LPCAT1: variants seen among roughly 807,000 people sequenced by gnomAD.
LPCAT1 encodes lysophosphatidylcholine acyltransferase 1.
In LPCAT1, 23 loss-of-function variants were observed where a neutral mutation model predicts 60.9. That is an observed-to-expected ratio of 0.38 (90% CI 0.27 to 0.53). The LOEUF (loss-of-function observed/expected upper bound fraction) is 0.53. Ranked by LOEUF, LPCAT1 falls within the 20% of genes least tolerant of loss-of-function variation. The probability of loss-of-function intolerance (pLI) is 0.82; values close to 1 mark genes in which losing one functional copy is unlikely to be tolerated. For missense variants in LPCAT1, 622 were observed against 723.6 expected (o/e 0.86, Z 1.61); for synonymous variants, 340 against 301.1 (o/e 1.13, Z -1.34).
intron 1 of LPCAT1, 118 bp from the exon 2 acceptor site, chr5:1,501,721 G>T (rs1302087919): frequency 2.0e-6 from 2 of 1,002,572 alleles, no homozygotes; most frequent in Non-Finnish European, 3.0e-6. Flanking sequence ...GCTGGGGAGG[G>T]GCTGCAGCTG....
intron 13 of LPCAT1, 35 bp downstream of exon 13, chr5:1,466,714 G>C (rs1205923705): frequency 1.9e-6 from 3 of 1,588,476 alleles, no homozygotes; most frequent in Non-Finnish European, 2.6e-6. Context: ...CCCCGCCCAA[G>C]GGTCGCGAGG....
intron 5 of LPCAT1, among the ~76,000 whole-genome samples, chr5:1,484,692 G>A (rs370074233): frequency 3.4e-4 from 52 of 152,350 alleles, no homozygotes; most frequent in African/African-American, 7.2e-4. Flanking sequence ...CCAGAGGCCC[G>A]TGTCAGGGCT....
Position 1,463,980 on chromosome 5 carries a change from G to A in LPCAT1, c.1421-145C>T, listed in dbSNP as rs1489225999. 4 of 837,922 alleles carry A rather than the reference G, an allele frequency of 4.8e-6. No homozygotes were observed. The Admixed American group carries it at 1.0e-4, about 21-fold the overall frequency. The allele number at this position is 837,922 out of a possible 1,614,324, so 51.9% of individuals were successfully genotyped here. On this transcript the variant is annotated intron_variant, in intron 13 of 13. Transcript: ENST00000283415. The stretch of plus-strand genomic sequence containing the variant: ...ATCGTCTGTGAAACGGATGCTTTCA[G>A]GGTGGAGAGAAGAACTTGCGCTTAC...
chr5:1,513,743 A>T (rs1736423572), intron 1 of LPCAT1, among the ~76,000 whole-genome samples: 1 of 139,986 alleles, frequency 7.1e-6, no homozygotes, highest in Non-Finnish European at 1.5e-5. Context: ...GGGGCGGGAC[A>T]CCCTGCGATT....
In LPCAT1 at chr5:1,523,624, C is replaced by G. The variant is rs1736743631; in HGVS notation, c.135+86G>C. On this transcript the variant is annotated intron_variant, in intron 1 of 13. Transcript: ENST00000283415. The surrounding 1 kb of genome is among the most constrained non-coding windows in gnomAD (Gnocchi z 7.1). ...CCGCGCCGCGCCCCAGGCCCCCTCCCCGGCCCCTCCTCGGCCGCGCCTCCC... is the reference window on the plus strand; with the variant it reads ...CCGCGCCGCGCCCCAGGCCCCCTCCGCGGCCCCTCCTCGGCCGCGCCTCCC... 1 of 952,636 alleles carries G rather than the reference C, an allele frequency of 1.0e-6. No individual in the cohort carries two copies. 59.0% of individuals were successfully genotyped at this position (952,636 alleles called of 1,614,324 possible). A position where few individuals can be genotyped will look rare whatever the true frequency, so the allele number is the denominator to read the frequency against.
At chr5:1,492,602 C>T (rs1215234397) in intron 3 of LPCAT1, among the ~76,000 whole-genome samples, 9 of 152,242 alleles carry the variant, frequency 5.9e-5, no homozygotes, top group East Asian at 1.9e-4. Flanking sequence ...ACAAGAAACA[C>T]GCAGGGCTCC....
chr5:1,488,417 C>T lies in LPCAT1; in HGVS notation c.641G>A (p.Arg214Lys). Residue 214 changes from arginine (R) to lysine (K), a missense_variant, in exon 5 of 14, where the codon AGG (arginine) becomes AAG (lysine). Coordinates refer to ENST00000283415, the MANE Select transcript of LPCAT1 (RefSeq NM_024830.5). ...MIFPEGTCTN[R>K]TCLITFKPGA... The stretch of plus-strand genomic sequence containing the variant: ...AGGTTTGAAGGTAATTAGGCAGGTC[C>T]TGTTTGTACAAGTTCCTTCTGGAAA... 6.2e-7 allele frequency: 1 copy of T among 1,601,688 alleles called. No homozygotes were observed. The highest frequency in any genetic ancestry group is 1.3e-5 in the African/African-American group (1 of 74,390).
intron 1 of LPCAT1, among the ~76,000 whole-genome samples, chr5:1,508,829 T>G (rs1225492507): frequency 2.0e-5 from 3 of 152,176 alleles, no homozygotes; most frequent in Non-Finnish European, 4.4e-5. Context: ...CTCTCTGATT[T>G]CAGGCAGCTG....
At position 1,476,043 on chromosome 5, in the gene LPCAT1, T is replaced by C. The variant is rs1037750505; in HGVS notation, c.900-1358A>G. Among the ~76,000 whole-genome samples the C allele has an allele frequency of 1.4e-4, 21 of 152,200 alleles. No homozygotes were observed. The highest frequency in any genetic ancestry group is 4.8e-4 in the African/African-American group (20 of 41,448). On this transcript the variant is annotated intron_variant, in intron 9 of 13. Transcript: ENST00000283415. The surrounding 1 kb of genome is among the most constrained non-coding windows in gnomAD (Gnocchi z 8.6). ...GGGTTTTAAGAGAATTCTGAATTAC[T>C]ACAATGGAAATGGCAGCACTCTCGT...
At chr5:1,494,374 G>A (rs960545605) in intron 3 of LPCAT1, among the ~76,000 whole-genome samples, 1 of 152,184 alleles carries the variant, frequency 6.6e-6, no homozygotes, top group Non-Finnish European at 1.5e-5. Flanking sequence ...CAAGGCCAAT[G>A]TGCCCGGCGG....
chr5:1,477,397 C>T lies in LPCAT1; in HGVS notation c.899+7G>A, dbSNP rs1302171437. The T allele has an allele frequency of 4.3e-6, 7 of 1,613,238 alleles. No homozygotes were observed. Among genetic ancestry groups the T allele is most frequent in the Non-Finnish European group, 5.9e-6 (7 of 1,179,448 alleles). ...CTCGGCGATGGGGGAAGGAGCTGCT[C>T]ACTTACTCGGCCATGACTCGCCGCA... On this transcript the variant is annotated splice_region_variant and intron_variant, in intron 9 of 13. Coordinates refer to ENST00000283415, the MANE Select transcript of LPCAT1 (RefSeq NM_024830.5). This position sits in a 1 kb window ranked among gnomAD's most constrained non-coding sequence, Gnocchi z 6.0.
At chr5:1,492,564 C>T (rs1418074619) in intron 3 of LPCAT1, among the ~76,000 whole-genome samples, 2 of 152,234 alleles carry the variant, frequency 1.3e-5, no homozygotes, top group African/African-American at 2.4e-5. Flanking sequence ...TCCTCTCCCT[C>T]GCAGGTCCGT....
At chr5:1,478,559 A>G (rs982172566) in intron 8 of LPCAT1, among the ~76,000 whole-genome samples, 1 of 152,248 alleles carries the variant, frequency 6.6e-6, no homozygotes, top group African/African-American at 2.4e-5. Flanking sequence ...CCTCCCGGCC[A>G]CTGCCCATCC....
At chr5:1,464,249 G>A (rs1018565442) in intron 13 of LPCAT1, among the ~76,000 whole-genome samples, 1 of 152,240 alleles carries the variant, frequency 6.6e-6, no homozygotes, top group Non-Finnish European at 1.5e-5. Flanking sequence ...GACCCGGTAG[G>A]CAGGGGGCCG....
intron 1 of LPCAT1, among the ~76,000 whole-genome samples, chr5:1,503,567 T>C (rs955295644): frequency 2.0e-5 from 3 of 152,238 alleles, no homozygotes; most frequent in African/African-American, 7.2e-5. Flanking sequence ...TTGCTAGGTC[T>C]GTTGGCCACT....
In LPCAT1 at chr5:1,489,214, T is replaced by C. The variant is rs528170857; in HGVS notation, c.606+532A>G. Among the ~76,000 whole-genome samples the C allele has an allele frequency of 5.9e-5, 9 of 152,330 alleles. 1 individual carries two copies. In the East Asian group the frequency reaches 1.7e-3, roughly 29 times the overall value. ...TAAGGGGCTGCCCCCAGCCAGACCC[T>C]GCAAAGCTTCGTGAGCAATCAGATC... On this transcript the variant is annotated intron_variant, in intron 4 of 13. Coordinates refer to ENST00000283415, the MANE Select transcript of LPCAT1 (RefSeq NM_024830.5).
intron 11 of LPCAT1, among the ~76,000 whole-genome samples, chr5:1,472,613 CGCTGCCTGTGAAACCAGGAAT>C (rs1318902325): frequency 9.8e-5 from 15 of 152,302 alleles, no homozygotes; most frequent in East Asian, 5.8e-4. Flanking sequence ...TACCTCGGAA[CGCTGCCTGTGAAACCAGGAAT>C]GCTGCCTGTG....
At chr5:1,518,376 T>A (rs2962059) in intron 1 of LPCAT1, among the ~76,000 whole-genome samples, 72,284 of 152,194 alleles carry the variant, frequency 0.47, 18,430 homozygotes, top group African/African-American at 0.68. Context: ...AGTCCGGCTC[T>A]GTCGCCCAGG....
chr5:1,486,247 G>A (rs1173607521), intron 5 of LPCAT1, among the ~76,000 whole-genome samples: 1 of 152,192 alleles, frequency 6.6e-6, no homozygotes, highest in Non-Finnish European at 1.5e-5. Flanking sequence ...GACCCCACAG[G>A]GCTCTGCTGA....
Sources: allele counts gnomAD v4.1 joint callset (sites outside exome capture counted in the v4.1 genomes callset), GRCh38; gene constraint gnomAD v4.1.1; non-coding constraint Gnocchi (gnomAD v3.1); transcripts MANE v1.5; gene names NCBI Gene and HGNC (gene_info 2026-07-23, HGNC 2026-07-21).